Variants in LYST observed in about 807,000 individuals in gnomAD.
LYST encodes the protein lysosomal trafficking regulator.
Under a neutral mutation model 413.6 loss-of-function variants are expected in LYST, and 192 were observed. The observed-to-expected ratio is 0.46, with a 90% CI of 0.41 to 0.52. LYST has a LOEUF of 0.52. LYST is among the 20% of genes least tolerant of loss of function. The pLI is 0.00. For missense variants in LYST, 3,815 were observed against 4,499.9 expected (o/e 0.85, Z 4.35); for synonymous variants, 1,525 against 1,567.3 (o/e 0.97, Z 0.64).
rs1479318333 is a variant in LYST, at chr1:235,792,139, AAAAC to A, written c.4117-18_4117-15del. ...AAGAAGAATTTTCTAGAGAAAAAGA[AAAAC>A]AAATGAAACTTTCTAATCACGTAAT... On this transcript the variant is annotated splice_polypyrimidine_tract_variant and intron_variant, in intron 11 of 52. Coordinates refer to ENST00000389793, the MANE Select transcript of LYST (RefSeq NM_000081.4). The A allele has an allele frequency of 6.6e-7, 1 of 1,519,694 alleles. No homozygotes were observed. Among genetic ancestry groups the A allele is most frequent in the Non-Finnish European group, 9.1e-7 (1 of 1,097,052 alleles). 94.1% of individuals were successfully genotyped at this position (1,519,694 alleles called of 1,614,324 possible).
intron 17 of LYST, among the ~76,000 whole-genome samples, chr1:235,775,662 A>G (rs1669162608): frequency 6.6e-6 from 1 of 152,090 alleles, no homozygotes; most frequent in Admixed American, 6.6e-5. Context: ...TGCTTGGTTT[A>G]AGGGAAGGCT....
rs112498714 is a variant in LYST at position 235,668,396 on chromosome 1, C to T, written c.11039-3775G>A. On this transcript the variant is annotated intron_variant, in intron 50 of 52. Transcript: ENST00000389793. ...AAAGTAATTTAAAAAATTATGTTCC[C>T]TATATACCAAGTGCTCTTTATGATT... Among the ~76,000 whole-genome samples, 612 of 152,152 alleles carry T rather than the reference C, an allele frequency of 4.0e-3. 3 individuals carry two copies. Among genetic ancestry groups the T allele is most frequent in the African/African-American group, 0.014 (576 of 41,514 alleles).
intron 3 of LYST, among the ~76,000 whole-genome samples, chr1:235,820,498 T>A (rs929247249): frequency 6.6e-6 from 1 of 152,004 alleles, no homozygotes; most frequent in Non-Finnish European, 1.5e-5. Context: ...GCCTCCCAAG[T>A]AGCTGGGACT....
chr1:235,873,540 A>G (rs1447231360), intron 1 of LYST, among the ~76,000 whole-genome samples: 2 of 152,206 alleles, frequency 1.3e-5, no homozygotes, highest in African/African-American at 2.4e-5. Flanking sequence ...GTTTTAGTAG[A>G]CACACACACA....
intron 5 of LYST, 128 bp downstream of exon 5, chr1:235,808,327 G>C: frequency 1.3e-6 from 1 of 757,694 alleles, no homozygotes; most frequent in South Asian, 1.9e-5. Flanking sequence ...TGCTGCCAAA[G>C]CCCTGGAGAT....
chr1:235,767,457 G>A (rs1383815151), intron 20 of LYST, among the ~76,000 whole-genome samples: 2 of 151,972 alleles, frequency 1.3e-5, no homozygotes, highest in African/African-American at 2.4e-5. Context: ...TAGATCTCCC[G>A]ACTTCCAATT....
At position 235,792,162 on chromosome 1, in the gene LYST, A is replaced by G. The variant is rs749030646; in HGVS notation, c.4117-37T>C. The stretch of plus-strand genomic sequence containing the variant: ...GAAAAACAAATGAAACTTTCTAATC[A>G]CGTAATAAAGTACATAATAATCTTG... On this transcript the variant is annotated intron_variant, in intron 11 of 52. Coordinates refer to ENST00000389793, the MANE Select transcript of LYST (RefSeq NM_000081.4). 7 of 1,348,830 alleles carry G rather than the reference A, an allele frequency of 5.2e-6. No individual in the cohort carries two copies. In the South Asian group the frequency reaches 7.1e-5, roughly 14 times the overall value. The allele number at this position is 1,348,830 out of a possible 1,614,324, so 83.6% of individuals were successfully genotyped here.
chr1:235,800,417 T>A, intron 9 of LYST, 31 bp from the exon 10 acceptor site: 1 of 1,213,660 alleles, frequency 8.2e-7, no homozygotes, highest in East Asian at 2.3e-5. Context: ...AAAATTAAAT[T>A]ACTTACCTCA....
Position 235,841,978 on chromosome 1 carries a change from T to C in LYST, c.-97-8311A>G, listed in dbSNP as rs112030285. On this transcript the variant is annotated intron_variant, in intron 1 of 52. Coordinates refer to ENST00000389793, the MANE Select transcript of LYST (RefSeq NM_000081.4). ...ACAAAATAATTTACTGGTTGGCTAC[T>C]AGCTTAGCAGAGGTGGAAAACCATG... Among the ~76,000 whole-genome samples the C allele has an allele frequency of 7.8e-3, 1,181 of 152,274 alleles. 24 individuals carry two copies. Among genetic ancestry groups the C allele is most frequent in the African/African-American group, 0.026 (1,061 of 41,550 alleles).
In LYST at chr1:235,730,950, A is replaced by G. The variant is rs1253913382; in HGVS notation, c.8948-7T>C. 6.2e-7 allele frequency: 1 copy of G among 1,609,510 alleles called. No individual in the cohort carries two copies. Among genetic ancestry groups the G allele is most frequent in the Non-Finnish European group, 8.5e-7 (1 of 1,175,910 alleles). On this transcript the variant is annotated splice_polypyrimidine_tract_variant and splice_region_variant and intron_variant, in intron 35 of 52. Coordinates refer to ENST00000389793, the MANE Select transcript of LYST (RefSeq NM_000081.4). ...AGTGGTGGTTTGACAACATCTGTTG[A>G]GGAGAAAAGTAAATATTATCTTTAT...
At position 235,714,441 on chromosome 1, in the gene LYST, C is replaced by G. The variant is rs533388796; in HGVS notation, c.9784+760G>C. On this transcript the variant is annotated intron_variant, in intron 42 of 52. Transcript: ENST00000389793. ...ACAGAGAGACAAACATAGGAAAGCC[C>G]CTTTTATAGACCAATAAGAGTGAAT... is the stretch of plus-strand genomic sequence containing the variant. Among the ~76,000 whole-genome samples the G allele has an allele frequency of 7.2e-5, 11 of 152,186 alleles. No individual in the cohort carries two copies. The East Asian group carries it at 2.1e-3, about 29-fold the overall frequency.
At chr1:235,791,086 C>A (rs1248759721) in intron 12 of LYST, among the ~76,000 whole-genome samples, 1 of 152,106 alleles carries the variant, frequency 6.6e-6, no homozygotes, top group Non-Finnish European at 1.5e-5. Context: ...GAGTTTGAGA[C>A]CAGCCTGGCC....
At chr1:235,804,699 T>G in intron 6 of LYST, 34 bp from the exon 7 acceptor site, 1 of 1,244,634 alleles carries the variant, frequency 8.0e-7, no homozygotes, top group Non-Finnish European at 1.2e-6. Flanking sequence ...AGAATATTAA[T>G]AACCATTTTA....
At chr1:235,811,928 A>G (rs940457004) in intron 4 of LYST, among the ~76,000 whole-genome samples, 8 of 152,194 alleles carry the variant, frequency 5.3e-5, no homozygotes, top group African/African-American at 1.9e-4. Flanking sequence ...GCAGAAAAAC[A>G]GTATTACAAA....
intron 42 of LYST, among the ~76,000 whole-genome samples, chr1:235,714,297 G>A (rs1032049595): frequency 1.3e-4 from 20 of 152,030 alleles, no homozygotes; most frequent in Admixed American, 5.2e-4. Context: ...TCAATCTGCC[G>A]TCAAATTAAC....
At chr1:235,837,836 G>T (rs1676734924) in intron 1 of LYST, among the ~76,000 whole-genome samples, 1 of 151,764 alleles carries the variant, frequency 6.6e-6, no homozygotes, top group Non-Finnish European at 1.5e-5. Context: ...AACGGGTGAT[G>T]GCTTGAGGAG....
intron 10 of LYST, among the ~76,000 whole-genome samples, chr1:235,798,780 C>A (rs1671872882): frequency 1.3e-5 from 2 of 151,868 alleles, no homozygotes; most frequent in African/African-American, 4.8e-5. Context: ...TGAAAAATAT[C>A]CAGAAAAGGA....
intron 1 of LYST, among the ~76,000 whole-genome samples, chr1:235,879,468 C>T (rs1442697296): frequency 6.6e-6 from 1 of 152,222 alleles, no homozygotes; most frequent in East Asian, 1.9e-4. Flanking sequence ...CCTGTGTTAA[C>T]TGGCTGTCTA....
At position 235,757,274 on chromosome 1, in the gene LYST, C is replaced by A. The variant is rs111764031; in HGVS notation, c.7059+7G>T. Reference sequence around the variant, plus strand: ...ATTAAAATAACATATCTAGTATTTGCCCTTACTTTAATAACACCTTGTTGT... The same window carrying A: ...ATTAAAATAACATATCTAGTATTTGACCTTACTTTAATAACACCTTGTTGT... On this transcript the variant is annotated splice_region_variant and intron_variant, in intron 24 of 52. Coordinates refer to ENST00000389793, the MANE Select transcript of LYST (RefSeq NM_000081.4). 6 of 1,601,276 alleles carry A rather than the reference C, an allele frequency of 3.7e-6. No individual in the cohort carries two copies. Among genetic ancestry groups the A allele is most frequent in the South Asian group, 2.2e-5 (2 of 90,566 alleles).
Sources: allele counts gnomAD v4.1 joint callset (sites outside exome capture counted in the v4.1 genomes callset), GRCh38; gene constraint gnomAD v4.1.1; transcripts MANE v1.5; gene names NCBI Gene and HGNC (gene_info 2026-07-23, HGNC 2026-07-21).